SORBS2: variants seen among roughly 807,000 people sequenced by gnomAD.
The protein encoded by SORBS2 is sorbin and SH3 domain-containing protein 2.
In SORBS2, 46 loss-of-function variants were observed where a neutral mutation model predicts 97.7. The observed-to-expected ratio is 0.47, with a 90% CI of 0.37 to 0.60. The LOEUF (loss-of-function observed/expected upper bound fraction) is 0.60, where lower values mean the gene tolerates loss of function less well. SORBS2 is among the 20% of genes least tolerant of loss of function. The pLI is 0.00. For synonymous variants in SORBS2, 476 were observed against 473.4 expected, an observed-to-expected ratio of 1.01 and a Z score of -0.07; for missense variants, 1,316 against 1,282.3, an observed-to-expected ratio of 1.03 and a Z score of -0.40.
chr4:185,817,218 G>GA (rs35137737), intron 1 of SORBS2, among the ~76,000 whole-genome samples: 5,078 of 146,516 alleles, frequency 0.035, 150 homozygotes, highest in Middle Eastern at 0.066. Context: ...AATAACAAAA[G>GA]AAAAAAAAAA....
chr4:185,725,056 C>T (rs1436961348), intron 2 of SORBS2, among the ~76,000 whole-genome samples: 2 of 152,044 alleles, frequency 1.3e-5, no homozygotes, highest in Non-Finnish European at 2.9e-5. Flanking sequence ...GACGGTGTTG[C>T]CAGTTTATCA....
rs997818784 is a variant in SORBS2 at position 185,840,553 on chromosome 4, C to G, written c.-337-65187G>C. On this transcript the variant is annotated intron_variant, in intron 1 of 20. Transcript: ENST00000284776. ...TTCCAATCTTCTTCTTCTATCAAAT[C>G]CAACTAGGCAGGAGGAAACAAGATG... Among the ~76,000 whole-genome samples, 10 of 152,214 alleles carry G rather than the reference C, an allele frequency of 6.6e-5. No individual in the cohort carries two copies. In the East Asian group the frequency reaches 1.5e-3, roughly 24 times the overall value.
intron 2 of SORBS2, among the ~76,000 whole-genome samples, chr4:185,755,446 A>T (rs937391927): frequency 2.6e-5 from 4 of 152,256 alleles, no homozygotes. Flanking sequence ...ACACAAGAAA[A>T]TAATAGGCAC....
chr4:185,703,593 T>C (rs1448563685), intron 2 of SORBS2, among the ~76,000 whole-genome samples: 2 of 152,196 alleles, frequency 1.3e-5, no homozygotes, highest in South Asian at 2.1e-4. Context: ...GACAATAGCA[T>C]GGGAAGTACA....
chr4:185,690,808 C>T (rs1484488851), intron 2 of SORBS2, among the ~76,000 whole-genome samples, 197 bp from the exon 4 acceptor site: 3 of 152,180 alleles, frequency 2.0e-5, no homozygotes, highest in South Asian at 2.1e-4. Flanking sequence ...GTCCCATGCT[C>T]ATAAAACAGA....
In SORBS2 at chr4:185,881,580, G is replaced by T. The variant is rs548861896; in HGVS notation, c.-338+74616C>A. Among the ~76,000 whole-genome samples, 6 of 152,266 alleles carry T rather than the reference G, an allele frequency of 3.9e-5. No homozygotes were observed. In the South Asian group the frequency reaches 1.2e-3, roughly 32 times the overall value. On this transcript the variant is annotated intron_variant, in intron 1 of 20. Transcript: ENST00000284776. ...ATCTCTAGAGAATTCAGGGACTATA[G>T]CACGAATTATTTTTGAGAAAAAATG... is the stretch of plus-strand genomic sequence containing the variant.
At chr4:185,923,262 T>A (rs2099261815) in intron 1 of SORBS2, among the ~76,000 whole-genome samples, 1 of 152,144 alleles carries the variant, frequency 6.6e-6, no homozygotes, top group South Asian at 2.1e-4. Context: ...CCCTGCCTCC[T>A]TTCCTGAGTA....
intron 1 of SORBS2, among the ~76,000 whole-genome samples, chr4:185,938,789 C>T (rs2099270381): frequency 6.6e-6 from 1 of 152,102 alleles, no homozygotes; most frequent in African/African-American, 2.4e-5. Context: ...AATGTCCCTT[C>T]ATATTCTGCC....
chr4:185,860,600 C>T (rs1252568209), intron 1 of SORBS2, among the ~76,000 whole-genome samples: 3 of 152,122 alleles, frequency 2.0e-5, no homozygotes, highest in Non-Finnish European at 2.9e-5. Context: ...AACACAGCCT[C>T]AGGGGGTCCT....
At chr4:185,796,492 G>C (rs562723061) in intron 1 of SORBS2, among the ~76,000 whole-genome samples, 1 of 146,976 alleles carries the variant, frequency 6.8e-6, no homozygotes, top group Non-Finnish European at 1.5e-5. Flanking sequence ...TCACGGTGAG[G>C]CTGGGCATGC....
chr4:185,708,167 G>A (rs931180131), intron 2 of SORBS2, among the ~76,000 whole-genome samples: 4 of 152,188 alleles, frequency 2.6e-5, no homozygotes, highest in African/African-American at 9.7e-5. Flanking sequence ...CTCTCCAGGG[G>A]AGATGTTCTT....
intron 2 of SORBS2, chr4:185,761,660 A>G (rs745982242): frequency 6.6e-6 from 1 of 152,242 alleles, no homozygotes; most frequent in African/African-American, 2.4e-5. Flanking sequence ...GTGACAACGA[A>G]GCAAGTGATT....
chr4:185,956,002 C>T (rs1405537847), intron 1 of SORBS2, among the ~76,000 whole-genome samples: 1 of 152,166 alleles, frequency 6.6e-6, no homozygotes. Context: ...GCACAGTCAG[C>T]TTAAGCAACG....
At chr4:185,807,833 C>T (rs10025650) in intron 1 of SORBS2, among the ~76,000 whole-genome samples, 149,069 of 152,338 alleles carry the variant, frequency 0.98, 73,006 homozygotes, top group East Asian at 1. Context: ...TGAGGAACTT[C>T]CAGAAAATTA....
intron 1 of SORBS2, among the ~76,000 whole-genome samples, chr4:185,818,182 A>AGG (rs1255106568): frequency 2.0e-5 from 3 of 152,064 alleles, no homozygotes; most frequent in Admixed American, 6.5e-5. Context: ...TTCAGTGCCT[A>AGG]TGTGTTTGTT....
At chr4:185,717,174 C>T (rs991182095) in intron 2 of SORBS2, among the ~76,000 whole-genome samples, 2 of 152,218 alleles carry the variant, frequency 1.3e-5, no homozygotes, top group African/African-American at 4.8e-5. Context: ...AAGTGAAGTG[C>T]ACCCACACCC....
intron 1 of SORBS2, among the ~76,000 whole-genome samples, chr4:185,848,675 C>T (rs1195351785): frequency 1.7e-5 from 2 of 115,240 alleles, no homozygotes; most frequent in Admixed American, 1.2e-4. Flanking sequence ...GCAGGGTCTC[C>T]ATACATTGCT....
chr4:185,744,250 G>C (rs561298865), intron 2 of SORBS2, among the ~76,000 whole-genome samples: 10 of 152,210 alleles, frequency 6.6e-5, no homozygotes, highest in Non-Finnish European at 1.3e-4. Context: ...CATGTGGGCT[G>C]GTGGTTTTGA....
Position 185,672,167 on chromosome 4 carries a change from T to C in SORBS2, c.-46+6256A>G, listed in dbSNP as rs75569870. ...CACCTATTATCCCACACTGCTGACATGTCTGCATTACTCTGTCCTCCTTAG... is the reference window on the plus strand; with the variant it reads ...CACCTATTATCCCACACTGCTGACACGTCTGCATTACTCTGTCCTCCTTAG... On this transcript the variant is annotated intron_variant, in intron 4 of 20. Transcript: ENST00000284776. Among the ~76,000 whole-genome samples the C allele has an allele frequency of 1.7e-4, 26 of 152,338 alleles. 2 individuals carry two copies. The South Asian group carries it at 2.7e-3, about 16-fold the overall frequency.
Sources: gnomAD v4.1 joint callset for allele counts (sites outside exome capture counted in the v4.1 genomes callset) on GRCh38, gnomAD v4.1.1 for gene constraint, MANE v1.5 for transcripts, NCBI Gene and HGNC (gene_info 2026-07-23, HGNC 2026-07-21) for gene names.